CYP7B1: variants seen among roughly 807,000 people sequenced by gnomAD.
CYP7B1 encodes the protein cytochrome P450 7B1.
Under a neutral mutation model 42.7 loss-of-function variants are expected in CYP7B1, and 29 were observed. That is an observed-to-expected ratio of 0.68 (90% CI 0.51 to 0.93). The LOEUF is 0.93. Among genes scored for constraint, CYP7B1 ranks in the 40% least tolerant of loss-of-function variants. The pLI, the probability that CYP7B1 is intolerant of heterozygous loss-of-function variation, is 0.00. For missense variants in CYP7B1, 655 were observed against 600.5 expected, an observed-to-expected ratio of 1.09 and a Z score of -0.95; for synonymous variants, 235 against 218.2, an observed-to-expected ratio of 1.08 and a Z score of -0.68.
chr8:64,653,660 T>C (rs1006531967), intron 1 of CYP7B1, among the ~76,000 whole-genome samples: 3 of 152,146 alleles, frequency 2.0e-5, no homozygotes, highest in Admixed American at 2.0e-4. Flanking sequence ...GAGGCCAGCA[T>C]CATAGTGATA....
intron 1 of CYP7B1, among the ~76,000 whole-genome samples, chr8:64,660,987 A>G (rs2129631422): frequency 6.6e-6 from 1 of 152,354 alleles, no homozygotes. Flanking sequence ...AAAACTAATC[A>G]CTGAGGATTG....
At chr8:64,709,304 A>G (rs968748229) in intron 1 of CYP7B1, among the ~76,000 whole-genome samples, 3 of 152,192 alleles carry the variant, frequency 2.0e-5, no homozygotes, top group Admixed American at 6.5e-5. Flanking sequence ...TTTGATTTCT[A>G]TCTTTCTTTC....
At chr8:64,629,143 C>T (rs758810305) in intron 1 of CYP7B1, among the ~76,000 whole-genome samples, 1 of 149,124 alleles carries the variant, frequency 6.7e-6, no homozygotes, top group Admixed American at 6.8e-5. Flanking sequence ...AGGAGAATCG[C>T]TTGAACCTGT....
At chr8:64,760,734 C>T (rs962570839) in intron 1 of CYP7B1, among the ~76,000 whole-genome samples, 4 of 152,014 alleles carry the variant, frequency 2.6e-5, no homozygotes, top group African/African-American at 9.7e-5. Context: ...AGAGGGAATT[C>T]TTGTACACTG....
At chr8:64,625,128 C>A (rs1805591542) in intron 1 of CYP7B1, among the ~76,000 whole-genome samples, 1 of 151,974 alleles carries the variant, frequency 6.6e-6, no homozygotes, top group African/African-American at 2.4e-5. Context: ...CGCCTGCCAC[C>A]ACACCCGGCT....
intron 1 of CYP7B1, among the ~76,000 whole-genome samples, chr8:64,735,699 G>A (rs931281513): frequency 6.6e-6 from 1 of 152,112 alleles, no homozygotes; most frequent in African/African-American, 2.4e-5. Flanking sequence ...CTCACAAAAA[G>A]TAGAGAGAAA....
chr8:64,625,982 T>A (rs1295207297), intron 1 of CYP7B1, among the ~76,000 whole-genome samples: 2 of 152,200 alleles, frequency 1.3e-5, no homozygotes. Context: ...AATGGAGATG[T>A]GTTCTTTAGG....
chr8:64,686,233 G>T (rs1302518225), intron 1 of CYP7B1, among the ~76,000 whole-genome samples: 11 of 57,520 alleles, frequency 1.9e-4, no homozygotes, highest in Non-Finnish European at 2.8e-4. Context: ...GGAGGTGGGG[G>T]GGTCGGCCCC....
intron 5 of CYP7B1, among the ~76,000 whole-genome samples, chr8:64,600,898 A>G (rs1414964578): frequency 6.6e-6 from 1 of 152,204 alleles, no homozygotes; most frequent in African/African-American, 2.4e-5. Context: ...GACAGGGCTG[A>G]GTCCCTATAC....
chr8:64,618,885 G>T (rs1206618763), intron 2 of CYP7B1, among the ~76,000 whole-genome samples: 3 of 152,058 alleles, frequency 2.0e-5, no homozygotes, highest in Non-Finnish European at 4.4e-5. Context: ...TCTAGGATCT[G>T]TATTTTCTCT....
chr8:64,748,639 G>A (rs1434184909), intron 1 of CYP7B1, among the ~76,000 whole-genome samples: 1 of 152,092 alleles, frequency 6.6e-6, no homozygotes, highest in Non-Finnish European at 1.5e-5. Context: ...ACCATCCAGT[G>A]AAATGTTAGT....
intron 4 of CYP7B1, among the ~76,000 whole-genome samples, chr8:64,612,882 C>T (rs4465006): frequency 0.57 from 87,018 of 151,944 alleles, 25,687 homozygotes; most frequent in Middle Eastern, 0.63. Context: ...TAAGTCTTGC[C>T]TTTGTACATA....
intron 1 of CYP7B1, among the ~76,000 whole-genome samples, chr8:64,717,923 A>C (rs1807182256): frequency 6.6e-6 from 1 of 151,862 alleles, no homozygotes; most frequent in Admixed American, 6.6e-5. Context: ...ATATTGTAAT[A>C]TAAGACTATT....
intron 1 of CYP7B1, among the ~76,000 whole-genome samples, chr8:64,663,658 TTC>T (rs1002588595): frequency 1.2e-4 from 19 of 152,326 alleles, no homozygotes; most frequent in South Asian, 1.2e-3. Context: ...AAATCCTGGG[TTC>T]TCTCTTTCTG....
In CYP7B1 at chr8:64,594,522, T is replaced by C. The variant is rs1352316793; in HGVS notation, c.*2120A>G. Among the ~76,000 whole-genome samples the C allele has an allele frequency of 6.6e-6, 1 of 152,122 alleles. No individual in the cohort carries two copies. The highest frequency in any genetic ancestry group is 1.5e-5 in the Non-Finnish European group (1 of 68,030). The stretch of plus-strand genomic sequence containing the variant: ...AACACATTAGAATATTTGCCTATGA[T>C]ATTAGGAAGGGGTATGAAAGTGGGT... On this transcript the variant is annotated 3_prime_UTR_variant, in exon 6 of 6. Coordinates refer to ENST00000310193, the MANE Select transcript of CYP7B1 (RefSeq NM_004820.5).
chr8:64,783,426 ACTTAT>A (rs997775365), intron 1 of CYP7B1, among the ~76,000 whole-genome samples: 13 of 152,318 alleles, frequency 8.5e-5, no homozygotes, highest in South Asian at 2.1e-4. Flanking sequence ...TTTGACTAAA[ACTTAT>A]CTTAACAGCA....
At chr8:64,739,298 C>T (rs1262229188) in intron 1 of CYP7B1, among the ~76,000 whole-genome samples, 2 of 152,158 alleles carry the variant, frequency 1.3e-5, no homozygotes, top group Non-Finnish European at 1.5e-5. Context: ...CCATGCCTTA[C>T]CACTATATTA....
At chr8:64,641,988 C>A (rs1805862594) in intron 1 of CYP7B1, among the ~76,000 whole-genome samples, 1 of 152,050 alleles carries the variant, frequency 6.6e-6, no homozygotes, top group Non-Finnish European at 1.5e-5. Context: ...TGTAACCTAG[C>A]CAAAAATGAC....
At chr8:64,713,096 G>C (rs1807105086) in intron 1 of CYP7B1, among the ~76,000 whole-genome samples, 1 of 152,090 alleles carries the variant, frequency 6.6e-6, no homozygotes, top group African/African-American at 2.4e-5. Context: ...TGAATGGATA[G>C]AGAGCTGATT....
Sources: allele counts gnomAD v4.1 joint callset (sites outside exome capture counted in the v4.1 genomes callset), GRCh38; gene constraint gnomAD v4.1.1; transcripts MANE v1.5; gene names NCBI Gene and HGNC (gene_info 2026-07-23, HGNC 2026-07-21).